FAM169A: variants seen among roughly 807,000 people sequenced by gnomAD.
FAM169A encodes family with sequence similarity 169 member A.
In FAM169A, 24 loss-of-function variants were observed where a neutral mutation model predicts 75.7. That is an observed-to-expected ratio of 0.32 (90% confidence interval 0.23 to 0.45). The LOEUF is 0.45. Ranked by LOEUF, FAM169A falls within the 20% of genes least tolerant of loss-of-function variation. FAM169A has a pLI of 1.00. For missense variants in FAM169A, 673 were observed against 784.0 expected (o/e 0.86, Z 1.69); for synonymous variants, 271 against 271.0 (o/e 1.00, Z 0.00).
intron 5 of FAM169A, among the ~76,000 whole-genome samples, chr5:74,832,369 T>C (rs1748357147): frequency 1.3e-5 from 2 of 151,884 alleles, no homozygotes; most frequent in Admixed American, 6.6e-5. Context: ...TTTCTTGAAT[T>C]TCATTGTACT....
chr5:74,791,076 C>T (rs912947916), intron 11 of FAM169A, among the ~76,000 whole-genome samples: 19 of 152,160 alleles, frequency 1.2e-4, no homozygotes, highest in African/African-American at 1.9e-4. Context: ...AAAAGCAGTG[C>T]GGCAGTGGGC....
chr5:74,787,680 C>G (rs1164028348), intron 11 of FAM169A, among the ~76,000 whole-genome samples: 4 of 152,152 alleles, frequency 2.6e-5, no homozygotes, highest in African/African-American at 9.7e-5. Context: ...CCATCAAATG[C>G]AAGGTGGGCG....
chr5:74,866,221 G>A lies in FAM169A; in HGVS notation c.-60C>T. The A allele has an allele frequency of 1.0e-6, 1 of 984,350 alleles. No individual in the cohort carries two copies. Among genetic ancestry groups the A allele is most frequent in the Non-Finnish European group, 1.2e-6 (1 of 829,570 alleles). 61.0% of individuals were successfully genotyped at this position (984,350 alleles called of 1,614,324 possible). ...CCCGGGAAAGGAGGCGGAGCCGCGC[G>A]AATGAATGGAGCCGGCGGCTGCTCG... On this transcript the variant is annotated 5_prime_UTR_variant, in exon 1 of 13. Coordinates refer to ENST00000687041, the MANE Select transcript of FAM169A (RefSeq NM_001376049.1).
At chr5:74,832,566 AT>A (rs1220996373) in intron 5 of FAM169A, among the ~76,000 whole-genome samples, 8 of 150,776 alleles carry the variant, frequency 5.3e-5, no homozygotes, top group South Asian at 2.1e-4. Context: ...GTAGAAAAAA[AT>A]ATTACATACA....
At chr5:74,840,267 C>T (rs992912693) in intron 2 of FAM169A, 94 bp from the exon 3 acceptor site, 4 of 509,028 alleles carry the variant, frequency 7.9e-6, no homozygotes, top group East Asian at 3.4e-5. Flanking sequence ...ATATTTCCTA[C>T]GTTAATTTTA....
intron 11 of FAM169A, among the ~76,000 whole-genome samples, chr5:74,788,689 C>G (rs1211464830): frequency 4.7e-5 from 7 of 149,770 alleles, no homozygotes; most frequent in African/African-American, 1.7e-4. Flanking sequence ...TGGGCAACAA[C>G]AGCGAAACTC....
At chr5:74,782,874 C>G in intron 12 of FAM169A, 57 bp downstream of exon 12, 2 of 1,338,708 alleles carry the variant, frequency 1.5e-6, no homozygotes, top group East Asian at 2.3e-5. Flanking sequence ...GCACCCTCCT[C>G]GCTAATGTCA....
At chr5:74,832,600 G>A (rs1026880400) in intron 5 of FAM169A, among the ~76,000 whole-genome samples, 4 of 149,426 alleles carry the variant, frequency 2.7e-5, no homozygotes, top group African/African-American at 4.9e-5. Context: ...TATGAAATAT[G>A]TTTATATAAA....
intron 6 of FAM169A, among the ~76,000 whole-genome samples, chr5:74,813,118 A>T (rs575829053): frequency 1.3e-5 from 2 of 152,318 alleles, no homozygotes; most frequent in South Asian, 2.1e-4. Context: ...AGAATGAGTA[A>T]ATCTACAGAG....
chr5:74,842,149 C>A (rs1428434515), intron 1 of FAM169A, among the ~76,000 whole-genome samples: 2 of 149,436 alleles, frequency 1.3e-5, no homozygotes, highest in Non-Finnish European at 3.0e-5. Context: ...ACTGCGGGCA[C>A]AGTGGCTCAC....
At chr5:74,826,527 T>A (rs1748036637) in intron 5 of FAM169A, among the ~76,000 whole-genome samples, 1 of 152,232 alleles carries the variant, frequency 6.6e-6, no homozygotes, top group African/African-American at 2.4e-5. Flanking sequence ...AGCCATAAAA[T>A]AATTTTGAAA....
chr5:74,801,679 C>A, intron 8 of FAM169A, 50 bp from the exon 9 acceptor site: 1 of 1,346,412 alleles, frequency 7.4e-7, no homozygotes, highest in South Asian at 1.2e-5. Flanking sequence ...TTTTTTCTCC[C>A]TATGGATCTA....
chr5:74,804,165 C>A (rs186011226), intron 8 of FAM169A, among the ~76,000 whole-genome samples: 1 of 151,692 alleles, frequency 6.6e-6, no homozygotes, highest in Non-Finnish European at 1.5e-5. Flanking sequence ...TTATAATATG[C>A]GATATTAAAT....
Position 74,796,632 on chromosome 5 carries a change from G to A in FAM169A, c.1104-446C>T, listed in dbSNP as rs564431995. ...TGTTAGCCAGGATGGTCTCCACCTCGTGACCTCGTGATCCGCCCATCTTGG... is the reference window on the plus strand; with the variant it reads ...TGTTAGCCAGGATGGTCTCCACCTCATGACCTCGTGATCCGCCCATCTTGG... On this transcript the variant is annotated intron_variant, in intron 10 of 12. Transcript: ENST00000687041. 2.9e-4 allele frequency among the ~76,000 whole-genome samples: 44 copies of A among 151,676 alleles called. No homozygotes were observed. The East Asian group carries it at 3.3e-3, about 11-fold the overall frequency.
chr5:74,827,333 C>A (rs1049628161), intron 5 of FAM169A, among the ~76,000 whole-genome samples: 21 of 152,036 alleles, frequency 1.4e-4, no homozygotes, highest in Admixed American at 6.6e-5. Flanking sequence ...ACAAACTATT[C>A]CTTAACAGTT....
intron 6 of FAM169A, among the ~76,000 whole-genome samples, chr5:74,806,561 AG>A (rs1746894252): frequency 6.6e-6 from 1 of 152,222 alleles, no homozygotes; most frequent in Non-Finnish European, 1.5e-5. Flanking sequence ...CTAGTATATC[AG>A]GACTGTGCAA....
chr5:74,804,345 A>G (rs528658241), intron 8 of FAM169A, 148 bp downstream of exon 8: 2 of 397,232 alleles, frequency 5.0e-6, no homozygotes, highest in East Asian at 7.3e-5. Flanking sequence ...TAATATTAAC[A>G]GAAGATGCCA....
intron 1 of FAM169A, among the ~76,000 whole-genome samples, chr5:74,861,384 A>T (rs1347623768): frequency 1.3e-5 from 2 of 152,186 alleles, no homozygotes; most frequent in Non-Finnish European, 2.9e-5. Context: ...TATTTGCAAC[A>T]GTTCACGCAA....
chr5:74,811,374 T>C (rs186136757), intron 6 of FAM169A, among the ~76,000 whole-genome samples: 84 of 152,316 alleles, frequency 5.5e-4, no homozygotes, highest in Non-Finnish European at 1.0e-3. Context: ...GCAGTGGATG[T>C]CTTTGCATCT....
Sources: allele counts gnomAD v4.1 joint callset (sites outside exome capture counted in the v4.1 genomes callset), GRCh38; gene constraint gnomAD v4.1.1; transcripts MANE v1.5; gene names NCBI Gene and HGNC (gene_info 2026-07-23, HGNC 2026-07-21).